Variants in CTIF observed in about 807,000 individuals in gnomAD.
CTIF encodes CBP80/20-dependent translation initiation factor.
A neutral mutation model predicts 66.0 loss-of-function variants in CTIF; 21 were observed. The ratio of observed to expected loss-of-function variants is 0.32; its 90% CI spans 0.23 to 0.46. CTIF has a LOEUF of 0.46. Among genes scored for constraint, CTIF ranks in the 20% least tolerant of loss-of-function variants. The pLI, the probability that CTIF is intolerant of heterozygous loss-of-function variation, is 1.00. For synonymous variants in CTIF, 345 were observed against 326.4 expected, an observed-to-expected ratio of 1.06 and a Z score of -0.62; for missense variants, 739 against 812.7, an observed-to-expected ratio of 0.91 and a Z score of 1.10.
intron 9 of CTIF, among the ~76,000 whole-genome samples, chr18:48,773,326 G>A (rs963046315): frequency 6.6e-6 from 1 of 152,202 alleles, no homozygotes; most frequent in Admixed American, 6.5e-5. Context: ...AGGTAGCCAC[G>A]TGGTCTCTTG....
intron 7 of CTIF, among the ~76,000 whole-genome samples, chr18:48,715,753 A>G (rs1251278736): frequency 6.6e-6 from 1 of 152,208 alleles, no homozygotes; most frequent in Non-Finnish European, 1.5e-5. Flanking sequence ...AGTGATTATC[A>G]GCAGCTGCTT....
chr18:48,667,259 A>T (rs1031691389), intron 5 of CTIF, among the ~76,000 whole-genome samples: 1 of 152,246 alleles, frequency 6.6e-6, no homozygotes, highest in African/African-American at 2.4e-5. Flanking sequence ...TATGCAGTGT[A>T]GACATATAGA....
intron 9 of CTIF, among the ~76,000 whole-genome samples, chr18:48,766,915 C>G (rs1909617831): frequency 6.6e-6 from 1 of 152,252 alleles, no homozygotes; most frequent in South Asian, 2.1e-4. Flanking sequence ...GTCCTCAGCT[C>G]CTTTTCCCAT....
chr18:48,852,233 TAAAAAAAAAA>T lies in CTIF; in HGVS notation c.1528-5335_1528-5326del, dbSNP rs10591389. Among the ~76,000 whole-genome samples, 37 of 66,584 alleles carry T rather than the reference TAAAAAAAAAA, an allele frequency of 5.6e-4. 1 individual carries two copies. The highest frequency in any genetic ancestry group is 1.6e-3 in the East Asian group (3 of 1,900). The allele number at this position is 66,584 out of a possible 152,430, so 43.7% of individuals were successfully genotyped here. A position where few individuals can be genotyped will look rare whatever the true frequency, so the allele number is the denominator to read the frequency against. ...TGGGGGACAGAGTGAGACCCTGTCT[TAAAAAAAAAA>T]AAAAAAAAAAAAAAAAAAAGTTCCA... On this transcript the variant is annotated intron_variant, in intron 10 of 11. Transcript: ENST00000256413.
chr18:48,615,106 G>A (rs1199242537), intron 1 of CTIF, among the ~76,000 whole-genome samples: 2 of 152,060 alleles, frequency 1.3e-5, no homozygotes, highest in Admixed American at 1.3e-4. Context: ...ATGTTGCCTA[G>A]GCTGGTATCA....
intron 6 of CTIF, among the ~76,000 whole-genome samples, chr18:48,689,390 C>A (rs1242406575): frequency 6.6e-6 from 1 of 152,190 alleles, no homozygotes; most frequent in Non-Finnish European, 1.5e-5. Context: ...GAAGCAGCAG[C>A]CCGCTCTCAT....
At chr18:48,695,214 A>G (rs1286862896) in intron 6 of CTIF, among the ~76,000 whole-genome samples, 3 of 152,250 alleles carry the variant, frequency 2.0e-5, no homozygotes, top group Non-Finnish European at 1.5e-5. Context: ...AATTGTTTAC[A>G]GAGCGAGTGC....
chr18:48,735,193 C>G (rs1179206104), intron 7 of CTIF, among the ~76,000 whole-genome samples: 1 of 152,138 alleles, frequency 6.6e-6, no homozygotes, highest in Non-Finnish European at 1.5e-5. Context: ...AGCCAAGAAG[C>G]CTTCCTGGAG....
chr18:48,657,959 G>A (rs2091271806), intron 3 of CTIF, among the ~76,000 whole-genome samples: 1 of 152,146 alleles, frequency 6.6e-6, no homozygotes, highest in African/African-American at 2.4e-5. Flanking sequence ...AGCCAGAGGT[G>A]AGGGTGGTGG....
chr18:48,547,621 C>T (rs1051843066), intron 1 of CTIF, among the ~76,000 whole-genome samples: 14 of 152,208 alleles, frequency 9.2e-5, no homozygotes, highest in Non-Finnish European at 2.9e-5. Flanking sequence ...CCACCCTCCT[C>T]GCTGGCCATT....
At chr18:48,720,841 A>G (rs1476323900) in intron 7 of CTIF, among the ~76,000 whole-genome samples, 3 of 152,172 alleles carry the variant, frequency 2.0e-5, no homozygotes, top group Admixed American at 6.5e-5. Flanking sequence ...AGCTGCAGAG[A>G]GTGGCCCTGT....
chr18:48,631,207 G>A (rs2090706289), intron 2 of CTIF, among the ~76,000 whole-genome samples: 1 of 152,176 alleles, frequency 6.6e-6, no homozygotes, highest in African/African-American at 2.4e-5. Flanking sequence ...GCTCCCACCT[G>A]TAATCCTAGC....
At chr18:48,730,795 G>A (rs1174836786) in intron 7 of CTIF, among the ~76,000 whole-genome samples, 14 of 142,402 alleles carry the variant, frequency 9.8e-5, no homozygotes, top group Admixed American at 9.0e-4. Context: ...AGGGCCCCCT[G>A]TGGTGTGAGG....
chr18:48,779,098 T>C (rs1051610960), intron 9 of CTIF, among the ~76,000 whole-genome samples: 1 of 152,170 alleles, frequency 6.6e-6, no homozygotes, highest in Non-Finnish European at 1.5e-5. Flanking sequence ...TTTGGGTGGA[T>C]GAGGCTTGAA....
chr18:48,711,877 A>C (rs2092228298), intron 7 of CTIF, among the ~76,000 whole-genome samples, 182 bp downstream of exon 7: 1 of 151,744 alleles, frequency 6.6e-6, no homozygotes, highest in African/African-American at 2.4e-5. Context: ...TGGCGGCTCC[A>C]CTTCTCTTGT....
At chr18:48,635,385 A>G (rs1277872697) in intron 2 of CTIF, among the ~76,000 whole-genome samples, 1 of 133,498 alleles carries the variant, frequency 7.5e-6, no homozygotes, top group Non-Finnish European at 1.5e-5. Flanking sequence ...GTGCATTGGC[A>G]CGACCACAGC....
At chr18:48,574,436 A>G (rs1163830989) in intron 1 of CTIF, among the ~76,000 whole-genome samples, 1 of 152,220 alleles carries the variant, frequency 6.6e-6, no homozygotes, top group East Asian at 1.9e-4. Context: ...TCTTAAAACG[A>G]CCATCCTTTT....
chr18:48,549,590 G>T (rs1393298296), intron 1 of CTIF, among the ~76,000 whole-genome samples: 1 of 152,216 alleles, frequency 6.6e-6, no homozygotes, highest in Non-Finnish European at 1.5e-5. Flanking sequence ...TAGCATGGCT[G>T]CCACTGCTCC....
In CTIF at chr18:48,593,748, G is replaced by T. The variant is rs181708861; in HGVS notation, c.-28-25790G>T. Among the ~76,000 whole-genome samples the T allele has an allele frequency of 5.5e-3, 795 of 145,744 alleles. 22 individuals carry two copies. The East Asian group carries it at 0.082, about 15-fold the overall frequency. Reference sequence around the variant, plus strand: ...TTAAACTCTGGGAGGTTTTTTGTTTGTTTTTTTTTTTAAGATATTATTCTT... The same window carrying T: ...TTAAACTCTGGGAGGTTTTTTGTTTTTTTTTTTTTTTAAGATATTATTCTT... On this transcript the variant is annotated intron_variant, in intron 1 of 11. Transcript: ENST00000256413.
Sources: allele counts gnomAD v4.1 joint callset (sites outside exome capture counted in the v4.1 genomes callset), GRCh38; gene constraint gnomAD v4.1.1; transcripts MANE v1.5; gene names NCBI Gene and HGNC (gene_info 2026-07-23, HGNC 2026-07-21).